PDE6C: variants seen among roughly 807,000 people sequenced by gnomAD.
PDE6C encodes the protein phosphodiesterase 6C.
PDE6C carries 75 observed loss-of-function variants against 113.1 expected under a neutral mutation model. That is an observed-to-expected ratio of 0.66 (90% CI 0.55 to 0.80). The LOEUF (loss-of-function observed/expected upper bound fraction) is 0.80. Ranked by LOEUF, PDE6C falls within the 30% of genes least tolerant of loss-of-function variation. PDE6C has a pLI of 0.00. For missense variants in PDE6C, 912 were observed against 1,038.6 expected (o/e 0.88, Z 1.67); for synonymous variants, 375 against 363.7 (o/e 1.03, Z -0.35).
intron 8 of PDE6C, among the ~76,000 whole-genome samples, chr10:93,634,472 TAC>T (rs931124346): frequency 6.6e-5 from 10 of 152,282 alleles, no homozygotes; most frequent in Non-Finnish European, 1.2e-4. Context: ...AAACTATATG[TAC>T]ACACACACAT....
At chr10:93,645,549 C>T (rs972492888) in intron 14 of PDE6C, among the ~76,000 whole-genome samples, 1 of 152,110 alleles carries the variant, frequency 6.6e-6, no homozygotes, top group African/African-American at 2.4e-5. Flanking sequence ...CAGGGAGATA[C>T]ATTTATCTCA....
intron 16 of PDE6C, among the ~76,000 whole-genome samples, chr10:93,657,310 C>T (rs1016777980): frequency 1.1e-4 from 17 of 149,186 alleles, no homozygotes; most frequent in East Asian, 5.9e-4. Context: ...TACAGGCACA[C>T]GTCACCACGC....
At chr10:93,658,454 CTT>C (rs1273457346) in intron 16 of PDE6C, among the ~76,000 whole-genome samples, 1 of 151,788 alleles carries the variant, frequency 6.6e-6, no homozygotes, top group Non-Finnish European at 1.5e-5. Context: ...GTTATGGTCT[CTT>C]TTCTCATATG....
intron 4 of PDE6C, among the ~76,000 whole-genome samples, chr10:93,622,574 C>T (rs145309189): frequency 2.0e-5 from 3 of 150,898 alleles, no homozygotes; most frequent in African/African-American, 7.3e-5. Context: ...TTCAGTGCCT[C>T]AAAGCCCTCT....
At chr10:93,622,786 T>A (rs1422301167) in intron 4 of PDE6C, among the ~76,000 whole-genome samples, 4 of 152,028 alleles carry the variant, frequency 2.6e-5, no homozygotes, top group Non-Finnish European at 4.4e-5. Context: ...TTAAGTTTCC[T>A]CCATGTCTTT....
chr10:93,636,368 T>TTGTGTGTGTGTGTGTGTGTGTGTG (rs56143950), intron 10 of PDE6C, among the ~76,000 whole-genome samples: 2 of 141,256 alleles, frequency 1.4e-5, no homozygotes, highest in African/African-American at 2.7e-5. Flanking sequence ...TTCCCTGGCT[T>TTGTGTGTGTGTGTGTGTGTGTGTG]TGTGTGTGTG....
Position 93,620,645 on chromosome 10 carries a change from C to T in PDE6C, c.494C>T (p.Ser165Phe). ...TGTCTCTTTCAGAACAGCCATTTTT[C>T]TGACTTCATGGACAAGCAAACTGGG... ...VPDVKKNSHF[S>F]DFMDKQTGYV... The change falls in exon 2 of 22, where the codon TCT becomes TTT. Residue 165 changes from serine (S) to phenylalanine (F), a missense_variant. By Grantham distance (155) the Ser-to-Phe change is radical. Coordinates refer to ENST00000371447, the MANE Select transcript of PDE6C (RefSeq NM_006204.4). 1.2e-6 allele frequency: 2 copies of T among 1,614,124 alleles called. No individual in the cohort carries two copies. The highest frequency in any genetic ancestry group is 1.7e-6 in the Non-Finnish European group (2 of 1,179,998).
intron 10 of PDE6C, 129 bp from the exon 11 acceptor site, chr10:93,636,866 C>T (rs1435284523): frequency 3.0e-6 from 2 of 672,176 alleles, no homozygotes; most frequent in Non-Finnish European, 5.4e-6. Flanking sequence ...CTCCTGGGCT[C>T]CAGGGATCTT....
In PDE6C at chr10:93,652,034, TGC is replaced by T. The variant is rs1458802837; in HGVS notation, c.1936-3725_1936-3724del. Among the ~76,000 whole-genome samples the T allele has an allele frequency of 4.0e-5, 6 of 151,822 alleles. No individual in the cohort carries two copies. In the East Asian group the frequency reaches 5.8e-4, roughly 15 times the overall value. ...GTGTGTGTGCATGTGTGTGTGTGTGTGCCTGTGTGTGTGTATGTCCCACTTTG... is the reference window on the plus strand; with the variant it reads ...GTGTGTGTGCATGTGTGTGTGTGTGTCTGTGTGTGTGTATGTCCCACTTTG... On this transcript the variant is annotated intron_variant, in intron 15 of 21. Transcript: ENST00000371447.
At chr10:93,649,664 G>T (rs1225916217) in intron 15 of PDE6C, among the ~76,000 whole-genome samples, 2 of 152,130 alleles carry the variant, frequency 1.3e-5, no homozygotes, top group Non-Finnish European at 2.9e-5. Context: ...GAGTACAGTG[G>T]CGTGATCTCA....
chr10:93,635,259 T>C (rs1220344150), intron 9 of PDE6C, among the ~76,000 whole-genome samples: 3 of 152,212 alleles, frequency 2.0e-5, no homozygotes, highest in African/African-American at 7.2e-5. Flanking sequence ...TGCTTGACTA[T>C]ACTGGTGTTG....
chr10:93,647,724 T>C (rs1324859317), intron 15 of PDE6C, among the ~76,000 whole-genome samples: 1 of 152,168 alleles, frequency 6.6e-6, no homozygotes, highest in Non-Finnish European at 1.5e-5. Context: ...CTGACCAGAC[T>C]CTCTGGAGTT....
At chr10:93,654,297 C>T (rs2058622394) in intron 15 of PDE6C, among the ~76,000 whole-genome samples, 1 of 152,138 alleles carries the variant, frequency 6.6e-6, no homozygotes, top group Admixed American at 6.5e-5. Flanking sequence ...GGAAATGAAC[C>T]TGGGTTCCCT....
chr10:93,622,646 TTTTGTTTTTTTTTTTGTTG>T (rs2058453088), intron 4 of PDE6C, among the ~76,000 whole-genome samples: 1 of 12,888 alleles, frequency 7.8e-5, no homozygotes, highest in Non-Finnish European at 7.8e-4. Context: ...CAGGTTTTTT[TTTTGTTTTTTTTTTTGTTG>T]TTTTTTTTTT....
intron 7 of PDE6C, among the ~76,000 whole-genome samples, chr10:93,628,194 A>G (rs961288103): frequency 6.6e-6 from 1 of 152,124 alleles, no homozygotes; most frequent in African/African-American, 2.4e-5. Flanking sequence ...GTTCCATCCC[A>G]TAGATTTAAA....
intron 7 of PDE6C, 137 bp from the exon 8 acceptor site, chr10:93,629,121 G>A (rs2058487419): frequency 2.7e-6 from 2 of 751,130 alleles, no homozygotes; most frequent in Admixed American, 3.6e-5. Flanking sequence ...GCCTAGTTGA[G>A]GTCCATTTGC....
rs979759647 is a variant in PDE6C at position 93,665,894 on chromosome 10, C to T, written c.*476C>T. The T allele has an allele frequency of 1.7e-5, 4 of 232,496 alleles. No individual in the cohort carries two copies. Among genetic ancestry groups the T allele is most frequent in the African/African-American group, 7.1e-5 (3 of 42,266 alleles). 14.4% of individuals were successfully genotyped at this position (232,496 alleles called of 1,614,324 possible). A position where few individuals can be genotyped will look rare whatever the true frequency, so the allele number is the denominator to read the frequency against. ...TCTCCCTGTGTCTTCACATGGTCTTCCCTCTGTGTGTCTGTGTCCTAATCT... is the reference window on the plus strand; with the variant it reads ...TCTCCCTGTGTCTTCACATGGTCTTTCCTCTGTGTGTCTGTGTCCTAATCT... On this transcript the variant is annotated 3_prime_UTR_variant, in exon 22 of 22. Coordinates refer to ENST00000371447, the MANE Select transcript of PDE6C (RefSeq NM_006204.4).
intron 8 of PDE6C, 74 bp downstream of exon 8, chr10:93,629,379 C>T: frequency 1.9e-6 from 2 of 1,065,540 alleles, no homozygotes; most frequent in Admixed American, 1.7e-5. Flanking sequence ...CTCTCCTCCA[C>T]CCCCAGAGTC....
chr10:93,619,559 G>A (rs112943701), intron 1 of PDE6C, among the ~76,000 whole-genome samples: 3,165 of 152,140 alleles, frequency 0.021, 48 homozygotes, highest in East Asian at 0.072. Flanking sequence ...CCTGAGTAGC[G>A]GAGATTACAG....
Sources: allele counts gnomAD v4.1 joint callset (sites outside exome capture counted in the v4.1 genomes callset), GRCh38; gene constraint gnomAD v4.1.1; transcripts MANE v1.5; gene names NCBI Gene and HGNC (gene_info 2026-07-23, HGNC 2026-07-21).